The following DSE variants were observed in gnomAD, a reference collection of about 807,000 sequenced individuals.
The protein encoded by DSE is dermatan-sulfate epimerase.
In DSE, 36 loss-of-function variants were observed where a neutral mutation model predicts 84.4. The ratio of observed to expected loss-of-function variants is 0.43; its 90% confidence interval spans 0.33 to 0.56. The LOEUF (loss-of-function observed/expected upper bound fraction) is 0.56, where lower values mean the gene tolerates loss of function less well. Ranked by LOEUF, DSE falls within the 20% of genes least tolerant of loss-of-function variation. The pLI is 0.06. For missense variants in DSE, 862 were observed against 1,169.6 expected, an observed-to-expected ratio of 0.74 and a Z score of 3.84; for synonymous variants, 410 against 430.1, an observed-to-expected ratio of 0.95 and a Z score of 0.58.
exon 1 of DSE, chr6:116,254,262 C>A: frequency 1.5e-6 from 1 of 682,968 alleles, no homozygotes; most frequent in South Asian, 1.5e-5. Context: ...GGGAGTTTTA[C>A]TTACGTAAAT....
chr6:116,348,942 A>G (rs957119802), intron 2 of DSE, among the ~76,000 whole-genome samples: 3 of 138,174 alleles, frequency 2.2e-5, no homozygotes, highest in African/African-American at 5.4e-5. Context: ...ACTTGGACAC[A>G]GGGTGGGGAA....
rs1782483915 is a variant in DSE at position 116,413,056 on chromosome 6, T to A, written c.416+13390T>A. On this transcript the variant is annotated intron_variant, in intron 2 of 5. Coordinates refer to ENST00000644252, the MANE Select transcript of DSE (RefSeq NM_013352.4). ...TTCATTCTTTTCTATGCCTGCCTAG[T>A]ATTCCATAATGTATATGTACCACAT... Among the ~76,000 whole-genome samples the A allele has an allele frequency of 2.0e-5, 3 of 152,208 alleles. No homozygotes were observed. In the South Asian group the frequency reaches 6.2e-4, roughly 31 times the overall value.
At chr6:116,316,591 C>G (rs1935189111) in intron 2 of DSE, among the ~76,000 whole-genome samples, 1 of 151,484 alleles carries the variant, frequency 6.6e-6, no homozygotes. Flanking sequence ...ATAATTTTGT[C>G]AAAGCGTTAT....
At chr6:116,386,616 A>T (rs961451007) in intron 1 of DSE, among the ~76,000 whole-genome samples, 1 of 152,196 alleles carries the variant, frequency 6.6e-6, no homozygotes, top group African/African-American at 2.4e-5. Flanking sequence ...TTGTAGTTAG[A>T]TGTGACTGAC....
At chr6:116,406,011 A>C (rs1449998139) in intron 2 of DSE, among the ~76,000 whole-genome samples, 1 of 152,260 alleles carries the variant, frequency 6.6e-6, no homozygotes, top group African/African-American at 2.4e-5. Flanking sequence ...CTTCTTTCTA[A>C]CAATAACTTT....
chr6:116,256,715 T>C (rs1273459590), intron 1 of DSE: 2 of 152,174 alleles, frequency 1.3e-5, no homozygotes, highest in African/African-American at 2.4e-5. Flanking sequence ...TAAATTTAAA[T>C]AAAAATTTTA....
At chr6:116,304,059 C>T (rs1775197854) in intron 2 of DSE, among the ~76,000 whole-genome samples, 1 of 151,376 alleles carries the variant, frequency 6.6e-6, no homozygotes, top group African/African-American at 2.4e-5. Context: ...TGAGGTGGAG[C>T]CTGCAGTGAA....
rs553725656 is a variant in DSE, at chr6:116,435,747, A to G, written c.1279A>G (p.Ile427Val). 3 of 1,614,068 alleles carry G rather than the reference A, an allele frequency of 1.9e-6. No homozygotes were observed. Among genetic ancestry groups the G allele is most frequent in the African/African-American group, 2.7e-5 (2 of 75,012 alleles). Reference protein sequence around the residue: ...FKSGKLGGRAIYDIVHRNKYK... With the variant: ...FKSGKLGGRAVYDIVHRNKYK... ...GTCTGGAAAACTGGGGGGACGTGCAATATATGACATTGTCCACAGAAACAA... is the reference window on the plus strand; with the variant it reads ...GTCTGGAAAACTGGGGGGACGTGCAGTATATGACATTGTCCACAGAAACAA... The change falls in exon 6 of 6, where the codon ATA becomes GTA. Residue 427 changes from isoleucine to valine, a missense_variant. Ile to Val is a conservative substitution (Grantham distance 29). Transcript: ENST00000644252.
Position 116,360,261 on chromosome 6 carries a change from G to T in DSE, c.-53-38937G>T, listed in dbSNP as rs148211893. Among the ~76,000 whole-genome samples, 822 of 152,208 alleles carry T rather than the reference G, an allele frequency of 5.4e-3. 9 individuals are homozygous for T. Among genetic ancestry groups the T allele is most frequent in the African/African-American group, 0.019 (793 of 41,532 alleles). On this transcript the variant is annotated intron_variant, in intron 2 of 3. Transcript: ENST00000430252. Reference sequence around the variant, plus strand: ...TGCTGGGCTTAATACCTAGGTGATGGGTTGATAGGTGCAGCAAACCACCAT... The same window carrying T: ...TGCTGGGCTTAATACCTAGGTGATGTGTTGATAGGTGCAGCAAACCACCAT...
At chr6:116,313,336 A>G (rs1250712258) in intron 2 of DSE, among the ~76,000 whole-genome samples, 2 of 152,232 alleles carry the variant, frequency 1.3e-5, no homozygotes, top group East Asian at 1.9e-4. Context: ...GCAGTTTATG[A>G]TATTTTATTA....
intron 2 of DSE, among the ~76,000 whole-genome samples, chr6:116,284,076 T>A (rs1773718068): frequency 6.6e-6 from 1 of 152,188 alleles, no homozygotes; most frequent in African/African-American, 2.4e-5. Flanking sequence ...GATAGTTGAA[T>A]CTTTTCTAAT....
chr6:116,315,934 C>A (rs566193881), intron 2 of DSE, among the ~76,000 whole-genome samples: 44 of 152,024 alleles, frequency 2.9e-4, no homozygotes, highest in Admixed American at 2.7e-3. Flanking sequence ...AGGTTGCAGT[C>A]AGCAAAGATC....
chr6:116,269,680 T>G (rs1772799799), intron 2 of DSE, among the ~76,000 whole-genome samples: 1 of 152,172 alleles, frequency 6.6e-6, no homozygotes, highest in Admixed American at 6.5e-5. Context: ...TTGCTCTAAC[T>G]AAAGTGCTTT....
intron 2 of DSE, among the ~76,000 whole-genome samples, chr6:116,262,425 C>CT (rs1199487411): frequency 6.6e-6 from 1 of 152,140 alleles, no homozygotes; most frequent in Non-Finnish European, 1.5e-5. Context: ...ATAATATTCT[C>CT]TGATGGTTGT....
chr6:116,373,141 T>C (rs1367234037), intron 1 of DSE, among the ~76,000 whole-genome samples: 1 of 150,030 alleles, frequency 6.7e-6, no homozygotes, highest in Non-Finnish European at 1.5e-5. Context: ...GATCACCAGG[T>C]CAAGAGTTCG....
rs545899722 is a variant in DSE, at chr6:116,261,382, G to A, written c.-54+2415G>A. On this transcript the variant is annotated intron_variant, in intron 2 of 3. Transcript: ENST00000430252. ...TACTTTATTTTTTTGTGTGGCTATT[G>A]TGAATGGGATTGCCTTCCTGATTTG... is the stretch of plus-strand genomic sequence containing the variant. Among the ~76,000 whole-genome samples, 5 of 152,140 alleles carry A rather than the reference G, an allele frequency of 3.3e-5. No homozygotes were observed. In the East Asian group the frequency reaches 9.6e-4, roughly 29 times the overall value.
In DSE at chr6:116,297,279, TCTC is replaced by T. The variant is rs371407486; in HGVS notation, c.-54+38316_-54+38318del. ...TTGGAGGAGGAACATTCCAGCTTCC[TCTC>T]CTCTTGGGTGGAGAACAACTCCAAT... On this transcript the variant is annotated intron_variant, in intron 2 of 3. Coordinates refer to the DSE transcript ENST00000430252. Among the ~76,000 whole-genome samples, 893 of 152,170 alleles carry T rather than the reference TCTC, an allele frequency of 5.9e-3. 9 individuals carry two copies. The highest frequency in any genetic ancestry group is 0.02 in the African/African-American group (835 of 41,514).
At chr6:116,277,636 G>C (rs1031015388) in intron 2 of DSE, 1 of 151,404 alleles carries the variant, frequency 6.6e-6, no homozygotes, top group African/African-American at 2.5e-5. Flanking sequence ...AAATGTTTCT[G>C]AGCTATCACT....
At chr6:116,272,213 G>A (rs998157277) in intron 2 of DSE, among the ~76,000 whole-genome samples, 1 of 152,162 alleles carries the variant, frequency 6.6e-6, no homozygotes, top group South Asian at 2.1e-4. Context: ...ACTTGTTGGT[G>A]AACATTTGGG....
Sources: allele counts gnomAD v4.1 joint callset (sites outside exome capture counted in the v4.1 genomes callset), GRCh38; gene constraint gnomAD v4.1.1; transcripts MANE v1.5; gene names NCBI Gene and HGNC (gene_info 2026-07-23, HGNC 2026-07-21).